KCNT2: variants seen among roughly 807,000 people sequenced by gnomAD.
KCNT2 encodes the protein potassium sodium-activated channel subfamily T member 2, also known as potassium channel subfamily T member 2.
KCNT2 carries 67 observed loss-of-function variants against 153.8 expected under a neutral mutation model. That is an observed-to-expected ratio of 0.44 (90% CI 0.36 to 0.53). The LOEUF (loss-of-function observed/expected upper bound fraction) is 0.53. KCNT2 is among the 20% of genes least tolerant of loss of function. The pLI, the probability that KCNT2 is intolerant of heterozygous loss-of-function variation, is 0.00. For synonymous variants in KCNT2, 500 were observed against 458.8 expected, an observed-to-expected ratio of 1.09 and a Z score of -1.15; for missense variants, 975 against 1,354.8, an observed-to-expected ratio of 0.72 and a Z score of 4.40.
At chr1:196,325,308 T>C (rs796784455) in intron 19 of KCNT2, among the ~76,000 whole-genome samples, 7 of 152,258 alleles carry the variant, frequency 4.6e-5, no homozygotes, top group African/African-American at 1.7e-4. Flanking sequence ...GGTACCTGAA[T>C]TGATCCAGTT....
chr1:196,459,544 T>C (rs1411818705), intron 8 of KCNT2, among the ~76,000 whole-genome samples: 1 of 151,858 alleles, frequency 6.6e-6, no homozygotes, highest in East Asian at 1.9e-4. Context: ...TTGCTAGTTC[T>C]GTAACCATGG....
At position 196,592,269 on chromosome 1, in the gene KCNT2, C is replaced by A. The variant is rs568846168; in HGVS notation, c.95+15946G>T. The stretch of plus-strand genomic sequence containing the variant: ...AAATAAAATAAGTCAGAAATGACAT[C>A]TTTTCACTTATTTGTGGGATCTAAA... On this transcript the variant is annotated intron_variant, in intron 1 of 27. Coordinates refer to ENST00000294725, the MANE Select transcript of KCNT2 (RefSeq NM_198503.5). Among the ~76,000 whole-genome samples, 17 of 151,922 alleles carry A rather than the reference C, an allele frequency of 1.1e-4. No homozygotes were observed. The South Asian group carries it at 2.5e-3, about 22-fold the overall frequency.
chr1:196,329,180 C>T (rs189644484), intron 18 of KCNT2, among the ~76,000 whole-genome samples: 25 of 152,106 alleles, frequency 1.6e-4, no homozygotes, highest in African/African-American at 5.8e-4. Context: ...TAAGGCAATC[C>T]CAACTCACAC....
intron 21 of KCNT2, among the ~76,000 whole-genome samples, chr1:196,309,779 T>C (rs546695225): frequency 6.6e-6 from 1 of 152,000 alleles, no homozygotes; most frequent in East Asian, 1.9e-4. Flanking sequence ...TAATATAAGC[T>C]AAACACATTT....
At chr1:196,481,360 A>G (rs560154249) in intron 4 of KCNT2, among the ~76,000 whole-genome samples, 14 of 152,334 alleles carry the variant, frequency 9.2e-5, no homozygotes, top group African/African-American at 3.4e-4. Context: ...GGTAAGTGTA[A>G]CATACATTAT....
At chr1:196,582,100 T>A (rs988523360) in intron 1 of KCNT2, among the ~76,000 whole-genome samples, 86 of 152,058 alleles carry the variant, frequency 5.7e-4, no homozygotes, top group Non-Finnish European at 2.5e-4. Flanking sequence ...CCAACTTTTT[T>A]AGGAAAATCA....
intron 1 of KCNT2, among the ~76,000 whole-genome samples, chr1:196,507,131 TA>T (rs796731824): frequency 2.0e-5 from 3 of 152,258 alleles, no homozygotes; most frequent in South Asian, 4.1e-4. Flanking sequence ...ATCAGTAATA[TA>T]AAAAACTGGT....
chr1:196,419,839 GCTT>G (rs1211046133), intron 12 of KCNT2, among the ~76,000 whole-genome samples: 1 of 150,674 alleles, frequency 6.6e-6, no homozygotes, highest in Non-Finnish European at 1.5e-5. Context: ...TTTTCCTTTG[GCTT>G]CTTCTTTTGT....
intron 5 of KCNT2, among the ~76,000 whole-genome samples, chr1:196,472,889 A>C (rs1169755021): frequency 6.6e-6 from 1 of 152,078 alleles, no homozygotes. Flanking sequence ...CACCTACTGC[A>C]CTATTACCAA....
At chr1:196,241,343 T>C (rs888570372) in intron 26 of KCNT2, among the ~76,000 whole-genome samples, 1 of 152,038 alleles carries the variant, frequency 6.6e-6, no homozygotes, top group South Asian at 2.1e-4. Context: ...TATATACACA[T>C]TATGTGTTAT....
At chr1:196,472,360 T>C (rs1334523573) in intron 5 of KCNT2, among the ~76,000 whole-genome samples, 1 of 152,202 alleles carries the variant, frequency 6.6e-6, no homozygotes, top group Admixed American at 6.5e-5. Context: ...GTAGAAATGA[T>C]TAAACTTGTA....
chr1:196,511,124 C>CA (rs1433872151), intron 1 of KCNT2, among the ~76,000 whole-genome samples: 1 of 50,066 alleles, frequency 2.0e-5, no homozygotes, highest in Non-Finnish European at 4.4e-5. Flanking sequence ...ACAACACACA[C>CA]ACACACACAC....
At chr1:196,336,161 C>T (rs1665009500) in intron 16 of KCNT2, among the ~76,000 whole-genome samples, 1 of 152,066 alleles carries the variant, frequency 6.6e-6, no homozygotes, top group Non-Finnish European at 1.5e-5. Flanking sequence ...GGCAGTTTCA[C>T]CATACACATA....
chr1:196,446,489 T>C (rs751896798), intron 8 of KCNT2, among the ~76,000 whole-genome samples: 2 of 151,406 alleles, frequency 1.3e-5, no homozygotes, highest in African/African-American at 2.4e-5. Context: ...AGAAGCAGCA[T>C]CTTAGGGCAG....
In KCNT2 at chr1:196,598,341, C is replaced by A. The variant is rs1241421730; in HGVS notation, c.95+9874G>T. ...CTTTACCCTATTTCAGTCAATCAAT[C>A]AATAATAATCTATACCCCCATACAC... is the stretch of plus-strand genomic sequence containing the variant. On this transcript the variant is annotated intron_variant, in intron 1 of 27. Transcript: ENST00000294725. Among the ~76,000 whole-genome samples, 4 of 152,104 alleles carry A rather than the reference C, an allele frequency of 2.6e-5. No homozygotes were observed. In the East Asian group the frequency reaches 7.7e-4, roughly 29 times the overall value.
At chr1:196,551,299 A>G (rs555155804) in intron 1 of KCNT2, among the ~76,000 whole-genome samples, 60 of 151,960 alleles carry the variant, frequency 3.9e-4, no homozygotes, top group African/African-American at 1.4e-3. Context: ...GAACAAACAT[A>G]AATTTTATAT....
chr1:196,240,407 A>T (rs1348363959), intron 26 of KCNT2, among the ~76,000 whole-genome samples: 5 of 152,050 alleles, frequency 3.3e-5, no homozygotes, highest in Non-Finnish European at 7.4e-5. Context: ...AATATAATTT[A>T]AAAATAATAT....
At chr1:196,543,342 T>A (rs1460462005) in intron 1 of KCNT2, among the ~76,000 whole-genome samples, 1 of 152,140 alleles carries the variant, frequency 6.6e-6, no homozygotes, top group Non-Finnish European at 1.5e-5. Flanking sequence ...TTAATCTCAG[T>A]AAAATGTCTT....
At chr1:196,276,279 T>A (rs984822194) in intron 25 of KCNT2, among the ~76,000 whole-genome samples, 1 of 152,022 alleles carries the variant, frequency 6.6e-6, no homozygotes, top group African/African-American at 2.4e-5. Flanking sequence ...AGGTATGTGG[T>A]TAGTATTCAT....
Sources: allele counts gnomAD v4.1 joint callset (sites outside exome capture counted in the v4.1 genomes callset), GRCh38; gene constraint gnomAD v4.1.1; transcripts MANE v1.5; gene names NCBI Gene and HGNC (gene_info 2026-07-23, HGNC 2026-07-21).